Variants in ART3 observed in about 807,000 individuals in gnomAD.
ART3 encodes ADP-ribosyltransferase 3 (inactive), also known as ecto-ADP-ribosyltransferase 3.
In ART3, 49 loss-of-function variants were observed where a neutral mutation model predicts 48.5. The ratio of observed to expected loss-of-function variants is 1.01; its 90% CI spans 0.80 to 1.28. The LOEUF is 1.28. ART3 is among the 50% of genes most tolerant of loss of function. The pLI is 0.00. For synonymous variants in ART3, 145 were observed against 157.2 expected (o/e 0.92, Z 0.58); for missense variants, 438 against 454.3 (o/e 0.96, Z 0.33).
At chr4:76,023,466 C>T (rs554892214) in intron 1 of ART3, 2 of 1,580,306 alleles carry the variant, frequency 1.3e-6, no homozygotes, top group African/African-American at 1.3e-5. Context: ...GCTGTAGGCT[C>T]AGAATATGTC....
chr4:76,082,003 A>G lies in ART3; in HGVS notation c.249A>G (p.Gln83=), dbSNP rs1056924481. 1.7e-5 allele frequency: 27 copies of G among 1,614,094 alleles called. No individual in the cohort carries two copies. Among genetic ancestry groups the G allele is most frequent in the African/African-American group, 2.7e-5 (2 of 74,934 alleles). ...CCAAATGGGCAGCCCGAAAGACTCA[A>G]ATCTTTCTCCCTATGAATTTTAAGG... The part of the protein sequence containing the change: ...AKAKWAARKT[Q]IFLPMNFKDN... The change falls in exon 3 of 12, where the codon CAA becomes CAG. Residue 83 remains glutamine, a synonymous_variant. Coordinates refer to ENST00000355810, the MANE Select transcript of ART3 (RefSeq NM_001130016.3).
chr4:76,082,262 T>C lies in ART3; in HGVS notation c.508T>C (p.Phe170Leu), dbSNP rs2149558404. 1 of 1,614,174 alleles carries C rather than the reference T, an allele frequency of 6.2e-7. No homozygotes were observed. The highest frequency in any genetic ancestry group is 8.5e-7 in the Non-Finnish European group (1 of 1,180,040). ...ATATAGAACAAGCCAGGGCACTTCA[T>C]TTACATTTGGAGGGCTAAACCAAGC... ...VVYRTSQGTS[F>L]TFGGLNQARF... The change falls in exon 3 of 12, where the codon TTT becomes CTT. Residue 170 changes from phenylalanine to leucine, a missense_variant. Physicochemically the swap from Phe to Leu is conservative, Grantham distance 22 (BLOSUM62 0). Around this residue, in one of 3 missense-constraint regions of ART3, gnomAD observed 206 missense variants for 205.3 expected, o/e 1.00. Transcript: ENST00000355810.
intron 3 of ART3, among the ~76,000 whole-genome samples, chr4:76,086,812 C>T (rs1244736678): frequency 2.6e-5 from 4 of 152,172 alleles, no homozygotes; most frequent in African/African-American, 2.4e-5. Flanking sequence ...CCAGTTTAGA[C>T]GAGCTCATGG....
chr4:76,103,896 A>G, intron 8 of ART3, 41 bp from the exon 9 acceptor site: 6 of 1,575,588 alleles, frequency 3.8e-6, no homozygotes, highest in Non-Finnish European at 5.2e-6. Context: ...ACAGTATAAG[A>G]TAACTGATTA....
At position 76,075,925 on chromosome 4, in the gene ART3, G is replaced by C. The variant is rs766440499; in HGVS notation, c.36G>C (p.Leu12=). 23 of 1,613,014 alleles carry C rather than the reference G, an allele frequency of 1.4e-5. No homozygotes were observed. The East Asian group carries it at 3.1e-4, about 22-fold the overall frequency. Residue 12 remains leucine, a synonymous_variant, in exon 2 of 12, where the codon CTG becomes CTC. Transcript: ENST00000355810. ...KTGHFEIVTM[L]LATMILVDIF... ...GACATTTTGAAATAGTCACCATGCT[G>C]CTGGCAACCATGATTCTAGTGGACA...
intron 1 of ART3, among the ~76,000 whole-genome samples, chr4:76,025,574 T>C (rs1448016957): frequency 6.6e-6 from 1 of 152,244 alleles, no homozygotes; most frequent in African/African-American, 2.4e-5. Context: ...CATCTACCTC[T>C]GACCCAGCCA....
intron 11 of ART3, chr4:76,112,143 G>T: frequency 4.6e-6 from 2 of 431,346 alleles, no homozygotes; most frequent in Non-Finnish European, 8.1e-6. Context: ...TTACATGTAG[G>T]TTTTCATTGT....
intron 1 of ART3, chr4:76,022,089 T>TATG: frequency 1.2e-6 from 1 of 867,434 alleles, no homozygotes; most frequent in Non-Finnish European, 1.9e-6. Context: ...TTATAGGGGT[T>TATG]GCTTTTTTCA....
rs1721844336 is a variant in ART3, at chr4:76,079,099, A to G, written c.70-2725A>G. Among the ~76,000 whole-genome samples the G allele has an allele frequency of 4.0e-5, 6 of 150,772 alleles. No individual in the cohort carries two copies. The South Asian group carries it at 1.3e-3, about 32-fold the overall frequency. Reference sequence around the variant, plus strand: ...CCGTCTAAAAAAAAAAAAAAGGACAAGACTCTGGAATTAGACTGCCTGAGA... The same window carrying G: ...CCGTCTAAAAAAAAAAAAAAGGACAGGACTCTGGAATTAGACTGCCTGAGA... On this transcript the variant is annotated intron_variant, in intron 2 of 11. Transcript: ENST00000355810.
chr4:76,012,998 T>TCACATA (rs1731938196), intron 1 of ART3, among the ~76,000 whole-genome samples: 1 of 152,200 alleles, frequency 6.6e-6, no homozygotes, highest in Non-Finnish European at 1.5e-5. Context: ...GACTCTGAGG[T>TCACATA]CACATATGTG....
chr4:76,017,630 A>G (rs1356532979), intron 1 of ART3, among the ~76,000 whole-genome samples: 1 of 152,134 alleles, frequency 6.6e-6, no homozygotes, highest in African/African-American at 2.4e-5. Flanking sequence ...CCCCAAGTCC[A>G]CTGGCTCTTC....
intron 2 of ART3, among the ~76,000 whole-genome samples, chr4:76,080,152 G>C (rs1026446049): frequency 6.6e-6 from 1 of 152,154 alleles, no homozygotes; most frequent in African/African-American, 2.4e-5. Flanking sequence ...TTCCTGGGGA[G>C]ATTTGATCAT....
intron 1 of ART3, among the ~76,000 whole-genome samples, chr4:76,068,302 C>T (rs142835158): frequency 6.6e-6 from 1 of 152,286 alleles, no homozygotes; most frequent in Non-Finnish European, 1.5e-5. Flanking sequence ...TGTGTTCCCT[C>T]ATGCCCATAT....
chr4:76,019,045 GAA>G (rs72190608), intron 1 of ART3, among the ~76,000 whole-genome samples: 10 of 87,482 alleles, frequency 1.1e-4, no homozygotes, highest in African/African-American at 1.6e-4. Context: ...CCATCTCAAG[GAA>G]AAAAAAAAAA....
At chr4:76,106,492 A>G (rs1728498946) in intron 10 of ART3, 1 of 363,730 alleles carries the variant, frequency 2.7e-6, no homozygotes, top group Non-Finnish European at 3.8e-6. Flanking sequence ...TTAAGGATTT[A>G]GGGTGGGAGA....
chr4:76,099,423 A>T (rs1038770681), intron 5 of ART3: 1 of 179,574 alleles, frequency 5.6e-6, no homozygotes, highest in Admixed American at 5.5e-5. Flanking sequence ...ATATGAGAGG[A>T]AAAAAATAAA....
At chr4:76,022,868 G>A in intron 1 of ART3, 1 of 1,572,296 alleles carries the variant, frequency 6.4e-7, no homozygotes, top group Non-Finnish European at 8.6e-7. Flanking sequence ...TTCATTTTAG[G>A]CATTTAATGT....
intron 10 of ART3, chr4:76,106,203 A>G (rs1728436932): frequency 7.1e-6 from 7 of 985,330 alleles, no homozygotes; most frequent in African/African-American, 5.2e-5. Context: ...TTTGTGCTAC[A>G]CTTGTCTTCC....
intron 1 of ART3, among the ~76,000 whole-genome samples, chr4:76,012,884 T>G (rs1449438854): frequency 6.6e-6 from 1 of 152,190 alleles, no homozygotes; most frequent in Non-Finnish European, 1.5e-5. Flanking sequence ...ACTTTAAAAT[T>G]GCATATGTAA....
Sources: allele counts gnomAD v4.1 joint callset (sites outside exome capture counted in the v4.1 genomes callset), GRCh38; gene constraint gnomAD v4.1.1; regional missense constraint gnomAD v4.1.1; transcripts MANE v1.5; gene names NCBI Gene and HGNC (gene_info 2026-07-23, HGNC 2026-07-21).